DIAPH2: variants seen among roughly 807,000 people sequenced by gnomAD.
DIAPH2 encodes diaphanous related formin 2.
In DIAPH2, 35 loss-of-function variants were observed where a neutral mutation model predicts 92.7. The ratio of observed to expected loss-of-function variants is 0.38; its 90% CI spans 0.29 to 0.50. The LOEUF (loss-of-function observed/expected upper bound fraction) is 0.50, where lower values mean the gene tolerates loss of function less well. Ranked by LOEUF, DIAPH2 falls within the 20% of genes least tolerant of loss-of-function variation. The pLI is 0.94. For missense variants in DIAPH2, 701 were observed against 819.5 expected (o/e 0.86, Z 1.77); for synonymous variants, 301 against 280.4 (o/e 1.07, Z -0.73).
At chrX:97,468,818 T>C (rs2070537419) in intron 26 of DIAPH2, among the ~76,000 whole-genome samples, 1 of 111,029 alleles carries the variant, frequency 9.0e-6, no homozygotes, top group Admixed American at 9.7e-5. Flanking sequence ...AAAACACAGG[T>C]AACTGGAACA....
intron 25 of DIAPH2, among the ~76,000 whole-genome samples, chrX:97,426,653 T>A (rs2070068254): frequency 9.0e-6 from 1 of 111,070 alleles, no homozygotes; most frequent in African/African-American, 3.3e-5. Flanking sequence ...GTCTAACAAG[T>A]CTTTCTAAAG....
chrX:96,823,150 T>G (rs921468168), intron 4 of DIAPH2, among the ~76,000 whole-genome samples: 8 of 111,712 alleles, frequency 7.2e-5, no homozygotes, highest in African/African-American at 2.3e-4. Context: ...GGTTGGTTTG[T>G]AGAATAGTAC....
intron 17 of DIAPH2, among the ~76,000 whole-genome samples, chrX:97,008,419 C>T (rs140327165): frequency 5.1e-4 from 57 of 111,154 alleles, no homozygotes; most frequent in Middle Eastern, 4.7e-3. Context: ...GTTTGGTCCC[C>T]GATGCCTTAA....
In DIAPH2 at chrX:96,684,869, G is replaced by T. The variant is rs1333519416; in HGVS notation, c.-190G>T. The T allele has an allele frequency of 7.2e-6, 3 of 416,318 alleles. No homozygotes were observed. The allele number at this position is 416,318 out of a possible 1,213,427, so 34.3% of individuals were successfully genotyped here. A position where few individuals can be genotyped will look rare whatever the true frequency, so the allele number is the denominator to read the frequency against. ...CCCAGCGCCGAGTAGTGGCAACGGC[G>T]TGGTTGCGTCGGGGGTGCCTGGGAG... On this transcript the variant is annotated 5_prime_UTR_variant, in exon 1 of 27. Transcript: ENST00000324765.
chrX:97,089,517 A>C (rs1247565629), intron 19 of DIAPH2, among the ~76,000 whole-genome samples: 3 of 111,419 alleles, frequency 2.7e-5, no homozygotes, highest in African/African-American at 6.5e-5. Flanking sequence ...CAGTCATTGG[A>C]AAACAAATGT....
intron 23 of DIAPH2, among the ~76,000 whole-genome samples, chrX:97,293,400 G>GCC (rs2068614489): frequency 1.8e-5 from 2 of 109,209 alleles, no homozygotes; most frequent in Non-Finnish European, 3.8e-5. Context: ...TTACAGGCAT[G>GCC]CACCACCAGG....
intron 23 of DIAPH2, among the ~76,000 whole-genome samples, chrX:97,325,348 A>G (rs1337687434): frequency 9.0e-6 from 1 of 111,239 alleles, no homozygotes; most frequent in Non-Finnish European, 1.9e-5. Flanking sequence ...GAGAGAAAAT[A>G]CATATCCATA....
intron 17 of DIAPH2, among the ~76,000 whole-genome samples, chrX:97,060,687 T>C (rs2066591416): frequency 9.0e-6 from 1 of 111,695 alleles, no homozygotes. Flanking sequence ...TAATAAGAGG[T>C]GCACAGTGGG....
chrX:97,025,427 G>A (rs772559433), intron 17 of DIAPH2, among the ~76,000 whole-genome samples: 5 of 109,111 alleles, frequency 4.6e-5, no homozygotes, highest in Admixed American at 9.8e-5. Flanking sequence ...TGAGGCGGGC[G>A]GATCACGAGG....
intron 22 of DIAPH2, among the ~76,000 whole-genome samples, chrX:97,189,453 C>CCCTCCCT (rs1417041118): frequency 2.2e-5 from 2 of 91,143 alleles, no homozygotes; most frequent in Non-Finnish European, 4.3e-5. Context: ...CTCCCTCCCA[C>CCCTCCCT]CCTCCCTCTT....
intron 22 of DIAPH2, among the ~76,000 whole-genome samples, chrX:97,201,882 G>A (rs1335652224): frequency 1.8e-5 from 2 of 111,049 alleles, no homozygotes; most frequent in Non-Finnish European, 3.8e-5. Flanking sequence ...CTCCAAGGTT[G>A]AAATGAAAGA....
chrX:97,262,092 T>TA (rs35665297), intron 23 of DIAPH2, among the ~76,000 whole-genome samples: 1,613 of 60,489 alleles, frequency 0.027, 31 homozygotes, highest in African/African-American at 0.098. Flanking sequence ...GATGAGAAAC[T>TA]AAAAAAAAAA....
intron 4 of DIAPH2, among the ~76,000 whole-genome samples, chrX:96,777,171 C>T (rs979769945): frequency 1.8e-5 from 2 of 111,389 alleles, no homozygotes. Flanking sequence ...CATTTTATGC[C>T]TTGAATAGTT....
chrX:97,155,255 C>G (rs777864373), intron 22 of DIAPH2, among the ~76,000 whole-genome samples: 1 of 111,561 alleles, frequency 9.0e-6, no homozygotes, highest in African/African-American at 3.3e-5. Flanking sequence ...TGTAATCCAG[C>G]ACTTTGGGAG....
chrX:97,150,134 T>C (rs2067276269), intron 22 of DIAPH2, among the ~76,000 whole-genome samples: 1 of 111,716 alleles, frequency 9.0e-6, no homozygotes, highest in African/African-American at 3.3e-5. Context: ...CTAGAGCTTA[T>C]TCATCAGTTA....
At chrX:97,585,253 CTT>C (rs5903087) in intron 26 of DIAPH2, among the ~76,000 whole-genome samples, 38,756 of 92,029 alleles carry the variant, frequency 0.42, 6,371 homozygotes, top group South Asian at 0.64. Context: ...GCTCCACTGA[CTT>C]TTTTTTTTTT....
chrX:96,992,371 T>C (rs1345588973), intron 17 of DIAPH2, among the ~76,000 whole-genome samples: 1 of 111,907 alleles, frequency 8.9e-6, no homozygotes, highest in Non-Finnish European at 1.9e-5. Flanking sequence ...AAAGAAGATT[T>C]ACCCTTTGTC....
intron 1 of DIAPH2, among the ~76,000 whole-genome samples, chrX:96,689,988 CTT>C (rs367914441): frequency 8.9e-5 from 9 of 100,636 alleles, no homozygotes; most frequent in South Asian, 4.3e-4. Context: ...TTGTATGTGC[CTT>C]TTTTTTTTTT....
chrX:97,088,410 A>G (rs989345150), intron 19 of DIAPH2, among the ~76,000 whole-genome samples: 9 of 112,390 alleles, frequency 8.0e-5, no homozygotes, highest in Admixed American at 1.9e-4. Flanking sequence ...AGATGTTTGC[A>G]TGTGATGCAG....
Sources: gnomAD v4.1 joint callset for allele counts (sites outside exome capture counted in the v4.1 genomes callset) on GRCh38, gnomAD v4.1.1 for gene constraint, MANE v1.5 for transcripts, NCBI Gene and HGNC (gene_info 2026-07-23, HGNC 2026-07-21) for gene names.